Variants in TBRG4 observed in about 807,000 individuals in gnomAD.
The protein encoded by TBRG4 is transforming growth factor beta regulator 4.
Under a neutral mutation model 65.6 loss-of-function variants are expected in TBRG4, and 43 were observed. The ratio of observed to expected loss-of-function variants is 0.66; its 90% CI spans 0.51 to 0.85. TBRG4 has a LOEUF of 0.85. TBRG4 is among the 40% of genes least tolerant of loss of function. The pLI, the probability that TBRG4 is intolerant of heterozygous loss-of-function variation, is 0.00. For synonymous variants in TBRG4, 366 were observed against 341.4 expected, an observed-to-expected ratio of 1.07 and a Z score of -0.79; for missense variants, 709 against 787.9, an observed-to-expected ratio of 0.90 and a Z score of 1.20.
Position 45,111,673 on chromosome 7 carries a change from C to T in TBRG4, c.-81G>A, listed in dbSNP as rs1785133170. 7.8e-7 allele frequency: 1 copy of T among 1,289,380 alleles called. No homozygotes were observed. Among genetic ancestry groups the T allele is most frequent in the African/African-American group, 1.5e-5 (1 of 65,878 alleles). The allele number at this position is 1,289,380 out of a possible 1,614,324, so 79.9% of individuals were successfully genotyped here. A position where few individuals can be genotyped will look rare whatever the true frequency, so the allele number is the denominator to read the frequency against. On this transcript the variant is annotated 5_prime_UTR_variant, in exon 1 of 11. Coordinates refer to ENST00000258770, the MANE Select transcript of TBRG4 (RefSeq NM_004749.4). The stretch of plus-strand genomic sequence containing the variant: ...GAGCACCACCGCTGACCTCCATCCG[C>T]CGCCCTAACTGTCCCCGGAACCATG...
Position 45,105,759 on chromosome 7 carries a change from G to A in TBRG4, c.417C>T (p.Ala139=). 1 of 1,602,222 alleles carries A rather than the reference G, an allele frequency of 6.2e-7. No individual in the cohort carries two copies. Among genetic ancestry groups the A allele is most frequent in the Non-Finnish European group, 8.5e-7 (1 of 1,172,486 alleles). ...QLLCLLNSQI[A]SVWHGTLSKL... ...TCGAGAGGGTACCATGCCAGACCGA[G>A]GCAATCTAGGCAGAGAAAGGACACA... is the stretch of plus-strand genomic sequence containing the variant. Residue 139 remains alanine, a synonymous_variant, in exon 3 of 11, where the codon GCC becomes GCT. Transcript: ENST00000258770.
At chr7:45,105,328 G>A (rs1784907785) in intron 3 of TBRG4, 113 bp downstream of exon 3, 1 of 1,199,808 alleles carries the variant, frequency 8.3e-7, no homozygotes, top group Non-Finnish European at 1.2e-6. Context: ...AAGCTCCCAG[G>A]GCTCTGATCC....
rs1785035357 is a variant in TBRG4, at chr7:45,108,877, G to A, written c.361C>T (p.Leu121Phe). ...LSEKPEDKGL[L>F]IQDAHFHQLL... ...TGATGAAAGTGGGCATCCTGTATGAGCAAGCCTTTATCTTCTGGCTTCTCA... is the reference window on the plus strand; with the variant it reads ...TGATGAAAGTGGGCATCCTGTATGAACAAGCCTTTATCTTCTGGCTTCTCA... Residue 121 changes from leucine (L) to phenylalanine (F), a missense_variant, in exon 2 of 11, where the codon CTC (leucine) becomes TTC (phenylalanine). Leu to Phe is a conservative substitution (Grantham distance 22, BLOSUM62 0). Coordinates refer to ENST00000258770, the MANE Select transcript of TBRG4 (RefSeq NM_004749.4). 1 of 1,570,990 alleles carries A rather than the reference G, an allele frequency of 6.4e-7. No homozygotes were observed. The highest frequency in any genetic ancestry group is 8.6e-7 in the Non-Finnish European group (1 of 1,161,892).
chr7:45,104,672 A>G lies in TBRG4; in HGVS notation c.773T>C (p.Leu258Pro). 6.2e-7 allele frequency: 1 copy of G among 1,613,922 alleles called. No individual in the cohort carries two copies. The highest frequency in any genetic ancestry group is 1.3e-5 in the African/African-American group (1 of 75,056). The change falls in exon 4 of 11, where the codon CTG becomes CCG. Residue 258 changes from leucine to proline, a missense_variant. Physicochemically the swap from Leu to Pro is moderately conservative, Grantham distance 98. Transcript: ENST00000258770. Reference sequence around the variant, plus strand: ...TGCCAGCATCACCAGCACCTTCCGCAGCTCATTGGGGCCAAAGTGCTCCAC... The same window carrying G: ...TGCCAGCATCACCAGCACCTTCCGCGGCTCATTGGGGCCAAAGTGCTCCAC... ...ELVEHFGPNELRKVLVMLAAQ... is the reference protein window; with the variant it reads ...ELVEHFGPNEPRKVLVMLAAQ...
chr7:45,100,157 AAAG>A lies in TBRG4; in HGVS notation c.*165_*167del. On this transcript the variant is annotated 3_prime_UTR_variant, in exon 11 of 11. Coordinates refer to ENST00000258770, the MANE Select transcript of TBRG4 (RefSeq NM_004749.4). ...GCCCCAGGGGTCCAACACCAAAATT[AAAG>A]GTTTATTATACACAAGAGGACGTTC... 1 of 573,032 alleles carries A rather than the reference AAAG, an allele frequency of 1.7e-6. No homozygotes were observed. 35.5% of individuals were successfully genotyped at this position (573,032 alleles called of 1,614,324 possible). A position where few individuals can be genotyped will look rare whatever the true frequency, so the allele number is the denominator to read the frequency against.
Position 45,104,120 on chromosome 7 carries a change from G to C in TBRG4, c.1044C>G (p.Pro348=). ...TCACCTGGGCAAAGGCCTCAAACAG[G>C]GGCAGGCTGAGCCACTTGAGTAAGG... ...SFALLKWLSL[P]LFEAFAQHVL... Residue 348 remains proline (P), a synonymous_variant, in exon 5 of 11, where the codon CCC becomes CCG. Coordinates refer to ENST00000258770, the MANE Select transcript of TBRG4 (RefSeq NM_004749.4). The C allele has an allele frequency of 6.2e-7, 1 of 1,610,560 alleles. No individual in the cohort carries two copies. Among genetic ancestry groups the C allele is most frequent in the Non-Finnish European group, 8.5e-7 (1 of 1,178,500 alleles).
Position 45,105,782 on chromosome 7 carries a change from A to G in TBRG4, c.412-18T>C. On this transcript the variant is annotated intron_variant, in intron 2 of 10. Coordinates refer to ENST00000258770, the MANE Select transcript of TBRG4 (RefSeq NM_004749.4). The stretch of plus-strand genomic sequence containing the variant: ...GAGGCAATCTAGGCAGAGAAAGGAC[A>G]CAGGAGAAATGATGTGGCACTGTCA... 1 of 1,589,848 alleles carries G rather than the reference A, an allele frequency of 6.3e-7. No individual in the cohort carries two copies. The highest frequency in any genetic ancestry group is 8.6e-7 in the Non-Finnish European group (1 of 1,166,018).
chr7:45,103,735 C>A, intron 5 of TBRG4: 1 of 525,186 alleles, frequency 1.9e-6, no homozygotes, highest in Non-Finnish European at 3.4e-6. Context: ...ACTGGTCACA[C>A]ATAAACGTAA....
chr7:45,106,185 A>C, intron 2 of TBRG4: 1 of 413,506 alleles, frequency 2.4e-6, no homozygotes, highest in Non-Finnish European at 4.8e-6. Context: ...GCTACAATAA[A>C]TAGCACATTT....
intron 1 of TBRG4, among the ~76,000 whole-genome samples, chr7:45,110,433 G>A (rs562475272): frequency 4.6e-5 from 7 of 152,314 alleles, no homozygotes; most frequent in African/African-American, 1.4e-4. Context: ...TTGGGAGGCT[G>A]AGGCGGGCAG....
rs1438061804 is a variant in TBRG4 at position 45,111,662 on chromosome 7, A to C, written c.-70T>G. On this transcript the variant is annotated 5_prime_UTR_variant, in exon 1 of 11. Transcript: ENST00000258770. ...ACCTACGCAGCGAGCACCACCGCTG[A>C]CCTCCATCCGCCGCCCTAACTGTCC... 4 of 1,289,046 alleles carry C rather than the reference A, an allele frequency of 3.1e-6. No individual in the cohort carries two copies. The highest frequency in any genetic ancestry group is 4.0e-6 in the Non-Finnish European group (4 of 988,796). 79.9% of individuals were successfully genotyped at this position (1,289,046 alleles called of 1,614,324 possible). A position where few individuals can be genotyped will look rare whatever the true frequency, so the allele number is the denominator to read the frequency against.
intron 1 of TBRG4, among the ~76,000 whole-genome samples, chr7:45,110,279 A>G (rs1785087925): frequency 1.3e-5 from 2 of 152,264 alleles, no homozygotes; most frequent in Middle Eastern, 3.4e-3. Flanking sequence ...TCCTCCCCCT[A>G]TAAGACCCTT....
chr7:45,109,258 G>C lies in TBRG4; in HGVS notation c.-21C>G, dbSNP rs2304695. On this transcript the variant is annotated 5_prime_UTR_variant, in exon 2 of 11. Transcript: ENST00000258770. ...GCCATGATGTCCTGGGTGGCAGAGA[G>C]ACAAGACTCCTAGCAAGTGATTCCA... is the stretch of plus-strand genomic sequence containing the variant. The C allele has an allele frequency of 3.6e-3, 5,653 of 1,551,246 alleles. 345 individuals carry two copies. The Admixed American group carries it at 0.094, about 26-fold the overall frequency.
In TBRG4 at chr7:45,105,053, C is replaced by T. The variant is rs763878727; in HGVS notation, c.736-344G>A. Reference sequence around the variant, plus strand: ...TTTGACTTGACTGCAGGGCTACAGCCGATAGGGGTTAGCACATCTCCAGGA... The same window carrying T: ...TTTGACTTGACTGCAGGGCTACAGCTGATAGGGGTTAGCACATCTCCAGGA... On this transcript the variant is annotated intron_variant, in intron 3 of 10. Coordinates refer to ENST00000258770, the MANE Select transcript of TBRG4 (RefSeq NM_004749.4). The T allele has an allele frequency of 6.3e-5, 44 of 702,742 alleles. 1 individual carries two copies. Among genetic ancestry groups the T allele is most frequent in the East Asian group, 8.6e-5 (3 of 35,002 alleles). 43.5% of individuals were successfully genotyped at this position (702,742 alleles called of 1,614,324 possible).
intron 2 of TBRG4, 112 bp downstream of exon 2, chr7:45,108,715 C>G: frequency 1.2e-6 from 1 of 838,374 alleles, no homozygotes; most frequent in Non-Finnish European, 1.7e-6. Context: ...AAAAATATCA[C>G]AAGAGATGCA....
chr7:45,104,781 C>A, intron 3 of TBRG4, 72 bp from the exon 4 acceptor site: 1 of 1,580,142 alleles, frequency 6.3e-7, no homozygotes, highest in Non-Finnish European at 8.6e-7. Context: ...GGCAGGGGTC[C>A]CATGGTCCCA....
chr7:45,103,526 A>T, intron 5 of TBRG4, 83 bp from the exon 6 acceptor site: 1 of 1,149,480 alleles, frequency 8.7e-7, no homozygotes, highest in Non-Finnish European at 1.3e-6. Flanking sequence ...GAGTCTGAGG[A>T]GAGCCTGCAT....
intron 3 of TBRG4, 67 bp from the exon 4 acceptor site, chr7:45,104,776 G>A: frequency 1.3e-6 from 2 of 1,583,808 alleles, no homozygotes; most frequent in East Asian, 4.5e-5. Context: ...CTGGGGGCAG[G>A]GGTCCCATGG....
chr7:45,106,021 T>G, intron 2 of TBRG4: 1 of 695,156 alleles, frequency 1.4e-6, no homozygotes, highest in Non-Finnish European at 2.7e-6. Flanking sequence ...ACAGGGCCTG[T>G]GAGTCACTGT....
Sources: gnomAD v4.1 joint callset for allele counts (sites outside exome capture counted in the v4.1 genomes callset) on GRCh38, gnomAD v4.1.1 for gene constraint, MANE v1.5 for transcripts, NCBI Gene and HGNC (gene_info 2026-07-23, HGNC 2026-07-21) for gene names.